Variants in DGKB observed in about 807,000 individuals in gnomAD.
DGKB encodes the protein diacylglycerol kinase beta.
In DGKB, 67 loss-of-function variants were observed where a neutral mutation model predicts 114.3. The observed-to-expected ratio is 0.59, with a 90% CI of 0.48 to 0.72. DGKB has a LOEUF of 0.72. Among genes scored for constraint, DGKB ranks in the 30% least tolerant of loss-of-function variants. The pLI, the probability that DGKB is intolerant of heterozygous loss-of-function variation, is 0.00. For missense variants in DGKB, 907 were observed against 975.2 expected (o/e 0.93, Z 0.93); for synonymous variants, 398 against 323.1 (o/e 1.23, Z -2.49).
chr7:14,639,476 C>G, intron 13 of DGKB, among the ~76,000 whole-genome samples: 1 of 152,190 alleles, frequency 6.6e-6, no homozygotes, highest in East Asian at 1.9e-4. Context: ...CTATCACCAG[C>G]TGCTATGAGT....
At chr7:14,689,199 A>ATTTTTTTTTTTAT (rs1822297222) in intron 9 of DGKB, among the ~76,000 whole-genome samples, 1 of 76,566 alleles carries the variant, frequency 1.3e-5, no homozygotes, top group Non-Finnish European at 2.6e-5. Context: ...AACTCCTCTT[A>ATTTTTTTTTTTAT]TTTTTTTTTT....
At position 14,629,842 on chromosome 7, in the gene DGKB, T is replaced by C. The variant is rs189922533; in HGVS notation, c.1167+394A>G. ...GCAAGAGTCTCTCAACATACTGCCATTGAAACTTATATTTTGATGGCTCAA... is the reference window on the plus strand; with the variant it reads ...GCAAGAGTCTCTCAACATACTGCCACTGAAACTTATATTTTGATGGCTCAA... On this transcript the variant is annotated intron_variant, in intron 14 of 25. Coordinates refer to ENST00000402815, the MANE Select transcript of DGKB (RefSeq NM_001350709.2). Among the ~76,000 whole-genome samples, 9 of 152,238 alleles carry C rather than the reference T, an allele frequency of 5.9e-5. No individual in the cohort carries two copies. In the East Asian group the frequency reaches 1.2e-3, roughly 20 times the overall value.
At chr7:14,694,615 T>A (rs1360033331) in intron 8 of DGKB, among the ~76,000 whole-genome samples, 2 of 152,236 alleles carry the variant, frequency 1.3e-5, no homozygotes, top group African/African-American at 4.8e-5. Flanking sequence ...ATTTAGTTGC[T>A]TTTAATTGCC....
chr7:14,892,903 T>C (rs1376935392), intron 1 of DGKB, among the ~76,000 whole-genome samples: 2 of 150,822 alleles, frequency 1.3e-5, no homozygotes, highest in Admixed American at 6.6e-5. Flanking sequence ...CATATGTATA[T>C]GTATATATGT....
intron 23 of DGKB, among the ~76,000 whole-genome samples, chr7:14,236,203 T>A (rs1339331400): frequency 6.6e-6 from 1 of 151,972 alleles, no homozygotes. Flanking sequence ...ATCATTATTT[T>A]AAAAAATTAT....
chr7:14,149,031 T>C lies in DGKB; in HGVS notation c.*100A>G. On this transcript the variant is annotated 3_prime_UTR_variant, in exon 26 of 26. Transcript: ENST00000402815. ...AACTGTTAAACCACTTCCATGATTTTGCATGAGCAGGAGACTTGAAATGGT... is the reference window on the plus strand; with the variant it reads ...AACTGTTAAACCACTTCCATGATTTCGCATGAGCAGGAGACTTGAAATGGT... The C allele has an allele frequency of 9.8e-7, 1 of 1,024,982 alleles. No individual in the cohort carries two copies. The highest frequency in any genetic ancestry group is 1.5e-6 in the Non-Finnish European group (1 of 658,532). The allele number at this position is 1,024,982 out of a possible 1,614,324, so 63.5% of individuals were successfully genotyped here. A position where few individuals can be genotyped will look rare whatever the true frequency, so the allele number is the denominator to read the frequency against.
intron 5 of DGKB, among the ~76,000 whole-genome samples, chr7:14,735,690 C>CT (rs1452105381): frequency 6.6e-6 from 1 of 151,958 alleles, no homozygotes; most frequent in African/African-American, 2.4e-5. Context: ...AATATTATAC[C>CT]TTTTTAGATA....
intron 13 of DGKB, among the ~76,000 whole-genome samples, chr7:14,643,110 T>C (rs1415956759): frequency 6.6e-6 from 1 of 152,128 alleles, no homozygotes; most frequent in Admixed American, 6.6e-5. Flanking sequence ...AAGAAAATGA[T>C]GAAGCCCTTC....
At chr7:14,767,522 C>T (rs73276021) in intron 2 of DGKB, among the ~76,000 whole-genome samples, 2,878 of 151,918 alleles carry the variant, frequency 0.019, 65 homozygotes, top group African/African-American at 0.061. Context: ...AGCTAAGCTC[C>T]GGGGATTTCA....
chr7:14,910,278 GAAA>G (rs1783926528), intron 1 of DGKB, among the ~76,000 whole-genome samples: 1 of 113,860 alleles, frequency 8.8e-6, no homozygotes, highest in Non-Finnish European at 2.2e-5. Flanking sequence ...AAGAAAGAAA[GAAA>G]GAAAGAAAGA....
chr7:14,333,227 G>A (rs745793996), intron 23 of DGKB, among the ~76,000 whole-genome samples: 2 of 152,082 alleles, frequency 1.3e-5, no homozygotes, highest in Non-Finnish European at 2.9e-5. Context: ...GGGAGGCCGA[G>A]GATGGTGAAT....
At chr7:14,230,667 A>G (rs1791580227) in intron 23 of DGKB, among the ~76,000 whole-genome samples, 1 of 151,992 alleles carries the variant, frequency 6.6e-6, no homozygotes, top group Admixed American at 6.6e-5. Flanking sequence ...CTTAGTTTAA[A>G]CTTTAGAATA....
At chr7:14,760,929 G>A (rs1835593514) in intron 2 of DGKB, among the ~76,000 whole-genome samples, 1 of 152,160 alleles carries the variant, frequency 6.6e-6, no homozygotes, top group African/African-American at 2.4e-5. Flanking sequence ...GAGAAATCAT[G>A]AGCTAAATTA....
At chr7:14,873,783 A>C (rs1852837939) in intron 1 of DGKB, among the ~76,000 whole-genome samples, 1 of 152,008 alleles carries the variant, frequency 6.6e-6, no homozygotes, top group South Asian at 2.1e-4. Flanking sequence ...ACGATTGCCA[A>C]AAGTCTGAAT....
intron 1 of DGKB, among the ~76,000 whole-genome samples, chr7:14,928,916 G>A (rs1251067623): frequency 6.6e-6 from 1 of 151,720 alleles, no homozygotes; most frequent in Non-Finnish European, 1.5e-5. Flanking sequence ...TTACAAATGA[G>A]AACATGCAAT....
At chr7:14,747,779 G>GCACACA (rs11276008) in intron 4 of DGKB, among the ~76,000 whole-genome samples, 6 of 148,502 alleles carry the variant, frequency 4.0e-5, no homozygotes, top group African/African-American at 1.2e-4. Context: ...CCACGCGCAC[G>GCACACA]CACACACACA....
At chr7:14,752,482 G>A (rs570253618) in intron 4 of DGKB, among the ~76,000 whole-genome samples, 1 of 152,248 alleles carries the variant, frequency 6.6e-6, no homozygotes, top group African/African-American at 2.4e-5. Flanking sequence ...CTACTGACAG[G>A]AAACATGTAC....
chr7:14,593,194 T>G (rs1801982993), intron 17 of DGKB, among the ~76,000 whole-genome samples: 1 of 152,022 alleles, frequency 6.6e-6, no homozygotes, highest in Non-Finnish European at 1.5e-5. Flanking sequence ...TATGCTTATG[T>G]GTGTTAAAAG....
intron 23 of DGKB, among the ~76,000 whole-genome samples, chr7:14,325,242 T>TGGTTGCTGAGGTGATGTGGTCTC (rs879910424): frequency 9.3e-4 from 142 of 152,236 alleles, no homozygotes; most frequent in Admixed American, 8.6e-3. Flanking sequence ...CAACGTGAAC[T>TGGTTGCTGAGGTGATGTGGTCTC]GGTTGCTGAG....
Sources: allele counts gnomAD v4.1 joint callset (sites outside exome capture counted in the v4.1 genomes callset), GRCh38; gene constraint gnomAD v4.1.1; transcripts MANE v1.5; gene names NCBI Gene and HGNC (gene_info 2026-07-23, HGNC 2026-07-21).